Variants in KIAA1217 observed in about 807,000 individuals in gnomAD.
KIAA1217 encodes sickle tail protein homolog.
A neutral mutation model predicts 163.9 loss-of-function variants in KIAA1217; 88 were observed. That is an observed-to-expected ratio of 0.54 (90% CI 0.45 to 0.64). KIAA1217 has a LOEUF of 0.64. KIAA1217 is among the 30% of genes least tolerant of loss of function. The pLI is 0.00. For missense variants in KIAA1217, 2,372 were observed against 2,475.0 expected (o/e 0.96, Z 0.88); for synonymous variants, 903 against 923.1 (o/e 0.98, Z 0.39).
intron 1 of KIAA1217, among the ~76,000 whole-genome samples, chr10:23,815,460 C>A (rs554791473): frequency 6.6e-6 from 1 of 151,978 alleles, no homozygotes. Context: ...CTGGCTAACA[C>A]GGTGAAACCC....
At chr10:24,059,764 A>C (rs1406085120) in intron 2 of KIAA1217, among the ~76,000 whole-genome samples, 1 of 152,108 alleles carries the variant, frequency 6.6e-6, no homozygotes, top group Non-Finnish European at 1.5e-5. Flanking sequence ...TTTTTAGTAG[A>C]GATGGGGTTT....
At chr10:24,209,765 CA>C (rs1251298039) in intron 1 of KIAA1217, among the ~76,000 whole-genome samples, 1 of 152,182 alleles carries the variant, frequency 6.6e-6, no homozygotes, top group Admixed American at 6.5e-5. Flanking sequence ...ATCCGAGCAG[CA>C]GGGGAGGGCT....
At chr10:24,319,553 A>G (rs1049669058) in intron 2 of KIAA1217, among the ~76,000 whole-genome samples, 1 of 152,162 alleles carries the variant, frequency 6.6e-6, no homozygotes, top group Non-Finnish European at 1.5e-5. Flanking sequence ...AATAATCTAT[A>G]CAGCTTGCAT....
intron 1 of KIAA1217, among the ~76,000 whole-genome samples, chr10:23,884,791 C>A (rs1841100531): frequency 6.6e-6 from 1 of 151,908 alleles, no homozygotes; most frequent in African/African-American, 2.4e-5. Context: ...TCAATGCAGG[C>A]TTCAGGTTTG....
At chr10:24,076,930 G>A (rs2061386715) in intron 2 of KIAA1217, among the ~76,000 whole-genome samples, 1 of 145,010 alleles carries the variant, frequency 6.9e-6, no homozygotes, top group South Asian at 2.2e-4. Context: ...AGGCTAGTGT[G>A]CGACAGTGCA....
chr10:24,223,296 C>G (rs1437287113), intron 2 of KIAA1217, among the ~76,000 whole-genome samples: 2 of 152,200 alleles, frequency 1.3e-5, no homozygotes, highest in African/African-American at 4.8e-5. Flanking sequence ...CAAACCCCAA[C>G]CAGCATTGTA....
Position 23,790,488 on chromosome 10 carries a change from CAT to C in KIAA1217, c.-321+95260_-321+95261del, listed in dbSNP as rs202182067. 5.4e-4 allele frequency among the ~76,000 whole-genome samples: 57 copies of C among 105,328 alleles called. 10 individuals carry two copies. The highest frequency in any genetic ancestry group is 1.6e-3 in the Admixed American group (16 of 9,816). 69.1% of individuals were successfully genotyped at this position (105,328 alleles called of 152,430 possible). The stretch of plus-strand genomic sequence containing the variant: ...ATACATATATACATGTGCATATATA[CAT>C]ATATACATGTGCATATATACATATG... On this transcript the variant is annotated intron_variant, in intron 1 of 18. Coordinates refer to the KIAA1217 transcript ENST00000376462.
rs116189159 is a variant in KIAA1217, at chr10:24,174,702, C to T, written c.-170-44924C>T. 6.5e-3 allele frequency among the ~76,000 whole-genome samples: 995 copies of T among 152,262 alleles called. 17 individuals carry two copies. The highest frequency in any genetic ancestry group is 0.023 in the African/African-American group (943 of 41,554). ...AGGAAACTCATCGAGGAACTACAGA[C>T]ATTTTTTAAATTTTATTTATTTATT... On this transcript the variant is annotated intron_variant, in intron 2 of 18. Coordinates refer to the KIAA1217 transcript ENST00000376462.
chr10:24,072,944 G>C (rs1449003284), intron 2 of KIAA1217, among the ~76,000 whole-genome samples: 4 of 151,814 alleles, frequency 2.6e-5, no homozygotes, highest in African/African-American at 9.7e-5. Flanking sequence ...TGTAATCCCA[G>C]CTACTCAGGA....
At chr10:23,917,061 A>G (rs550591956) in intron 1 of KIAA1217, among the ~76,000 whole-genome samples, 1 of 150,158 alleles carries the variant, frequency 6.7e-6, no homozygotes, top group East Asian at 1.9e-4. Flanking sequence ...TTCTTCTTAT[A>G]GAATATAATA....
intron 2 of KIAA1217, chr10:24,239,176 T>G (rs1371033012): frequency 1.0e-6 from 1 of 983,788 alleles, no homozygotes; most frequent in East Asian, 1.1e-4. Flanking sequence ...ATGACGAGAG[T>G]TTCACTGGGA....
At chr10:23,897,899 C>A (rs1413064011) in intron 1 of KIAA1217, among the ~76,000 whole-genome samples, 1 of 151,982 alleles carries the variant, frequency 6.6e-6, no homozygotes, top group Non-Finnish European at 1.5e-5. Context: ...TATGGCATTA[C>A]ATTTTATTTG....
At chr10:23,999,787 A>G (rs1344398699) in intron 1 of KIAA1217, among the ~76,000 whole-genome samples, 1 of 152,188 alleles carries the variant, frequency 6.6e-6, no homozygotes, top group Non-Finnish European at 1.5e-5. Context: ...AGATTACTAT[A>G]GTGATCCCTC....
At chr10:24,521,042 G>GTTTT (rs35646554) in intron 11 of KIAA1217, among the ~76,000 whole-genome samples, 6 of 111,422 alleles carry the variant, frequency 5.4e-5, no homozygotes, top group African/African-American at 7.4e-5. Context: ...AAAAAAAAAA[G>GTTTT]TTTTTTTTTT....
At chr10:24,177,040 TGCCCA>T (rs1227897369) in intron 2 of KIAA1217, among the ~76,000 whole-genome samples, 1 of 151,640 alleles carries the variant, frequency 6.6e-6, no homozygotes, top group Non-Finnish European at 1.5e-5. Context: ...GCTGAGCCTG[TGCCCA>T]CCATGCACAG....
intron 2 of KIAA1217, among the ~76,000 whole-genome samples, chr10:24,026,224 A>G (rs916956742): frequency 6.6e-6 from 1 of 151,806 alleles, no homozygotes; most frequent in Admixed American, 6.6e-5. Flanking sequence ...TTTAATCTGT[A>G]GTTTTATTTT....
At chr10:24,205,302 CAAAAAAAA>C (rs61292023), upstream of KIAA1217, among the ~76,000 whole-genome samples, 17 of 36,612 alleles carry the variant, frequency 4.6e-4, no homozygotes, top group East Asian at 0.011. Flanking sequence ...ACTAAAAATA[CAAAAAAAA>C]AAAAAAAAAA....
intron 1 of KIAA1217, among the ~76,000 whole-genome samples, chr10:23,884,142 G>C (rs1841072962): frequency 6.6e-6 from 1 of 151,852 alleles, no homozygotes; most frequent in Non-Finnish European, 1.5e-5. Flanking sequence ...GTAATTGCTG[G>C]ATTGTATAGC....
At position 24,295,707 on chromosome 10, in the gene KIAA1217, C is replaced by G. The variant is rs574338399; in HGVS notation, c.354+75798C>G. 3.9e-5 allele frequency among the ~76,000 whole-genome samples: 6 copies of G among 152,282 alleles called. No individual in the cohort carries two copies. The East Asian group carries it at 1.2e-3, about 29-fold the overall frequency. On this transcript the variant is annotated intron_variant, in intron 2 of 20. Coordinates refer to ENST00000376454, the MANE Select transcript of KIAA1217 (RefSeq NM_019590.5). Reference sequence around the variant, plus strand: ...CCCTCTTCATCTGAGGGTGAAGGGTCTCTTTGTTGACACTGGTCCCTCTGC... The same window carrying G: ...CCCTCTTCATCTGAGGGTGAAGGGTGTCTTTGTTGACACTGGTCCCTCTGC...
Sources: gnomAD v4.1 joint callset for allele counts (sites outside exome capture counted in the v4.1 genomes callset) on GRCh38, gnomAD v4.1.1 for gene constraint, MANE v1.5 for transcripts, NCBI Gene and HGNC (gene_info 2026-07-23, HGNC 2026-07-21) for gene names.